Variants in CSMD3 observed in about 807,000 individuals in gnomAD.
CSMD3 encodes CUB and Sushi multiple domains 3, also known as CUB and sushi domain-containing protein 3.
In CSMD3, 177 loss-of-function variants were observed where a neutral mutation model predicts 435.2. The ratio of observed to expected loss-of-function variants is 0.41; its 90% CI spans 0.36 to 0.46. The LOEUF is 0.46. Among genes scored for constraint, CSMD3 ranks in the 20% least tolerant of loss-of-function variants. The pLI is 0.34. For missense variants in CSMD3, 4,265 were observed against 4,504.6 expected, an observed-to-expected ratio of 0.95 and a Z score of 1.52; for synonymous variants, 1,656 against 1,520.5, an observed-to-expected ratio of 1.09 and a Z score of -2.07.
At chr8:113,302,516 A>T (rs2093780995) in intron 2 of CSMD3, among the ~76,000 whole-genome samples, 1 of 151,300 alleles carries the variant, frequency 6.6e-6, no homozygotes, top group Admixed American at 6.6e-5. Context: ...AAAATGTCTT[A>T]TCTAAACATT....
At chr8:113,417,895 T>G (rs1260726174) in intron 1 of CSMD3, among the ~76,000 whole-genome samples, 4 of 151,966 alleles carry the variant, frequency 2.6e-5, no homozygotes, top group African/African-American at 9.7e-5. Flanking sequence ...AAGAAAAGAT[T>G]ACAGGAGGAT....
chr8:112,647,141 T>C (rs1049415832), intron 19 of CSMD3, among the ~76,000 whole-genome samples: 40 of 152,176 alleles, frequency 2.6e-4, no homozygotes, highest in African/African-American at 9.4e-4. Flanking sequence ...ATTGTGTGGA[T>C]GTTTTTTCCA....
intron 13 of CSMD3, among the ~76,000 whole-genome samples, chr8:112,773,917 T>C (rs2078183720): frequency 6.6e-6 from 1 of 151,992 alleles, no homozygotes; most frequent in African/African-American, 2.4e-5. Context: ...AAGCAAGATA[T>C]AGTTTTCCAA....
intron 12 of CSMD3, among the ~76,000 whole-genome samples, chr8:112,820,297 GGCTTGGTAT>G (rs2079492803): frequency 6.6e-6 from 1 of 152,074 alleles, no homozygotes. Context: ...CAAAGTGAAA[GGCTTGGTAT>G]GCTTACCCAG....
chr8:112,609,525 C>A (rs1165852508), intron 22 of CSMD3, among the ~76,000 whole-genome samples: 1 of 151,984 alleles, frequency 6.6e-6, no homozygotes, highest in Admixed American at 6.6e-5. Flanking sequence ...AAAATGTTGG[C>A]ATGGATATGG....
At chr8:112,707,481 G>C (rs976003186) in intron 13 of CSMD3, among the ~76,000 whole-genome samples, 4 of 151,302 alleles carry the variant, frequency 2.6e-5, no homozygotes, top group Non-Finnish European at 5.9e-5. Flanking sequence ...GTGGTGGTGC[G>C]GCGGGAGGGG....
At chr8:112,867,365 A>G (rs1311063156) in intron 10 of CSMD3, among the ~76,000 whole-genome samples, 1 of 152,144 alleles carries the variant, frequency 6.6e-6, no homozygotes, top group Non-Finnish European at 1.5e-5. Context: ...AACAATCTTG[A>G]GAAAGAACAG....
Position 112,327,881 on chromosome 8 carries a change from AT to A in CSMD3, c.7165+7447del, listed in dbSNP as rs1823652422. Among the ~76,000 whole-genome samples, 3 of 152,092 alleles carry A rather than the reference AT, an allele frequency of 2.0e-5. No homozygotes were observed. In the South Asian group the frequency reaches 6.2e-4, roughly 32 times the overall value. On this transcript the variant is annotated intron_variant, in intron 45 of 70. Transcript: ENST00000297405. ...TGGCAATAGTTTTTCGTTATTTTTA[AT>A]TTTCTATTTTCTTTTCAATGAAACA... is the stretch of plus-strand genomic sequence containing the variant.
chr8:113,145,889 GA>G (rs1260867379), intron 4 of CSMD3, among the ~76,000 whole-genome samples: 1 of 151,404 alleles, frequency 6.6e-6, no homozygotes, highest in Non-Finnish European at 1.5e-5. Flanking sequence ...TAGTGGGAGA[GA>G]ATCCATGTGA....
intron 3 of CSMD3, among the ~76,000 whole-genome samples, chr8:113,178,992 C>G (rs1029530592): frequency 1.3e-5 from 2 of 151,704 alleles, no homozygotes; most frequent in African/African-American, 4.8e-5. Flanking sequence ...AATTAAAATA[C>G]ATTCTATAAA....
chr8:113,156,906 T>A (rs2091944841), intron 4 of CSMD3, among the ~76,000 whole-genome samples: 1 of 151,274 alleles, frequency 6.6e-6, no homozygotes, highest in South Asian at 2.1e-4. Context: ...CAGTCCAGCC[T>A]GGGTGACAGA....
intron 27 of CSMD3, among the ~76,000 whole-genome samples, chr8:112,543,947 G>A (rs1001378865): frequency 6.6e-6 from 1 of 152,120 alleles, no homozygotes; most frequent in African/African-American, 2.4e-5. Context: ...AGGACACTAT[G>A]CTAAATAAAA....
chr8:113,203,760 A>G (rs1270646265), intron 3 of CSMD3, among the ~76,000 whole-genome samples: 2 of 152,122 alleles, frequency 1.3e-5, no homozygotes, highest in East Asian at 3.9e-4. Flanking sequence ...AAACATTTGT[A>G]GATAACATGT....
intron 4 of CSMD3, among the ~76,000 whole-genome samples, chr8:113,145,496 A>G (rs2091651610): frequency 6.6e-6 from 1 of 151,548 alleles, no homozygotes. Context: ...TAGTGTTGCC[A>G]TGGAAATTTT....
At chr8:113,060,925 C>T (rs1233119434) in intron 5 of CSMD3, among the ~76,000 whole-genome samples, 1 of 152,116 alleles carries the variant, frequency 6.6e-6, no homozygotes, top group Non-Finnish European at 1.5e-5. Context: ...ACCAATAATA[C>T]CCTTGAAAAA....
intron 38 of CSMD3, among the ~76,000 whole-genome samples, chr8:112,355,228 A>T (rs1354743169): frequency 6.6e-6 from 1 of 152,220 alleles, no homozygotes; most frequent in Admixed American, 6.5e-5. Context: ...TAAATGTAAG[A>T]CATCAAATTT....
At chr8:112,672,649 T>G (rs2075684774) in intron 16 of CSMD3, among the ~76,000 whole-genome samples, 1 of 152,102 alleles carries the variant, frequency 6.6e-6, no homozygotes, top group African/African-American at 2.4e-5. Flanking sequence ...GATATTTTAG[T>G]GAAACACAGG....
At chr8:113,355,769 G>GC (rs1383112366) in intron 1 of CSMD3, among the ~76,000 whole-genome samples, 1 of 74,474 alleles carries the variant, frequency 1.3e-5, no homozygotes, top group Admixed American at 1.5e-4. Context: ...CACACACACG[G>GC]GGTGTGTGTG....
rs185153953 is a variant in CSMD3, at chr8:113,035,237, A to G, written c.918-16058T>C. ...TCCTAGACTGATCAAATAAAGAAAG[A>G]TAGGGAGGAATACAAACTTTGTCAG... On this transcript the variant is annotated intron_variant, in intron 5 of 70. Transcript: ENST00000297405. 4.6e-5 allele frequency among the ~76,000 whole-genome samples: 7 copies of G among 152,170 alleles called. No individual in the cohort carries two copies. In the East Asian group the frequency reaches 1.3e-3, roughly 29 times the overall value.
Sources: allele counts gnomAD v4.1 joint callset (sites outside exome capture counted in the v4.1 genomes callset), GRCh38; gene constraint gnomAD v4.1.1; transcripts MANE v1.5; gene names NCBI Gene and HGNC (gene_info 2026-07-23, HGNC 2026-07-21).